The following PSMA1 variants were observed in gnomAD, a reference collection of about 807,000 sequenced individuals.
PSMA1 encodes the protein proteasome 20S subunit alpha 1.
In PSMA1, 3 loss-of-function variants were observed where a neutral mutation model predicts 38.4. The ratio of observed to expected loss-of-function variants is 0.08; its 90% confidence interval spans 0.04 to 0.20. The LOEUF is 0.20. Among genes scored for constraint, PSMA1 ranks in the 10% least tolerant of loss-of-function variants. PSMA1 has a pLI of 1.00. For missense variants in PSMA1, 227 were observed against 325.3 expected (o/e 0.70, Z 2.32); for synonymous variants, 101 against 107.1 (o/e 0.94, Z 0.35).
intron 2 of PSMA1, among the ~76,000 whole-genome samples, chr11:14,579,472 T>C (rs1852256732): frequency 6.6e-6 from 1 of 151,476 alleles, no homozygotes; most frequent in Non-Finnish European, 1.5e-5. Flanking sequence ...TTAACTTAAT[T>C]ACAGCTGCAA....
At chr11:14,574,917 G>T (rs968257274) in intron 2 of PSMA1, among the ~76,000 whole-genome samples, 1 of 152,176 alleles carries the variant, frequency 6.6e-6, no homozygotes, top group Non-Finnish European at 1.5e-5. Context: ...AAAAAATGCA[G>T]AAGTGACTTT....
chr11:14,636,673 AG>A (rs980575468), intron 1 of PSMA1, among the ~76,000 whole-genome samples: 1 of 152,230 alleles, frequency 6.6e-6, no homozygotes, highest in Admixed American at 6.5e-5. Context: ...TCTGTTCAAA[AG>A]GAAATCCATA....
chr11:14,551,144 AAT>A (rs1345479724), intron 2 of PSMA1, among the ~76,000 whole-genome samples: 1 of 152,150 alleles, frequency 6.6e-6, no homozygotes, highest in Non-Finnish European at 1.5e-5. Context: ...CAAATACTAT[AAT>A]GATGTAATTT....
chr11:14,506,128 G>A (rs1288928276), intron 9 of PSMA1, among the ~76,000 whole-genome samples: 2 of 152,148 alleles, frequency 1.3e-5, no homozygotes, highest in Admixed American at 1.3e-4. Flanking sequence ...AAAGTTATAT[G>A]TGGATTTTCA....
chr11:14,545,414 C>G (rs188746199), intron 2 of PSMA1, among the ~76,000 whole-genome samples: 1 of 152,206 alleles, frequency 6.6e-6, no homozygotes, highest in African/African-American at 2.4e-5. Context: ...AACCCATCAC[C>G]TAGGTACTAA....
At chr11:14,589,491 T>G (rs1852387463) in intron 2 of PSMA1, among the ~76,000 whole-genome samples, 1 of 151,582 alleles carries the variant, frequency 6.6e-6, no homozygotes, top group Admixed American at 6.6e-5. Context: ...GAAGGTGACT[T>G]ACTGGAAAAT....
intron 1 of PSMA1, among the ~76,000 whole-genome samples, chr11:14,619,534 C>T (rs559908152): frequency 6.6e-5 from 10 of 152,242 alleles, no homozygotes; most frequent in African/African-American, 2.4e-4. Context: ...TAGGGTGACT[C>T]AGCTTCAAAG....
chr11:14,514,134 G>C, intron 5 of PSMA1: 1 of 1,319,026 alleles, frequency 7.6e-7, no homozygotes, highest in Non-Finnish European at 9.6e-7. Context: ...GGATACAAGG[G>C]GTCTAGGATT....
At position 14,536,453 on chromosome 11, in the gene PSMA1, G is replaced by A. The variant is rs538710238; in HGVS notation, c.22-17412C>T. On this transcript the variant is annotated intron_variant, in intron 2 of 10. Coordinates refer to the PSMA1 transcript ENST00000418988. Reference sequence around the variant, plus strand: ...GAGGCAAGAGAATCGCTTGAACCCGGGAGGTGGAGGTTGCAGTGAGCAGAG... The same window carrying A: ...GAGGCAAGAGAATCGCTTGAACCCGAGAGGTGGAGGTTGCAGTGAGCAGAG... 4.8e-3 allele frequency among the ~76,000 whole-genome samples: 733 copies of A among 151,932 alleles called. 4 individuals are homozygous for A. The highest frequency in any genetic ancestry group is 8.0e-3 in the Non-Finnish European group (544 of 67,952).
intron 2 of PSMA1, among the ~76,000 whole-genome samples, chr11:14,575,595 T>A (rs563960954): frequency 6.6e-6 from 1 of 152,326 alleles, no homozygotes; most frequent in South Asian, 2.1e-4. Flanking sequence ...GAACTCATCC[T>A]TTTTTATGGC....
intron 2 of PSMA1, among the ~76,000 whole-genome samples, chr11:14,535,214 T>C (rs75531507): frequency 2.0e-5 from 3 of 151,590 alleles, no homozygotes; most frequent in Middle Eastern, 3.2e-3. Flanking sequence ...CTGGAATTAA[T>C]AGACATAATT....
chr11:14,597,649 C>T (rs554767561), intron 2 of PSMA1, among the ~76,000 whole-genome samples: 2 of 152,058 alleles, frequency 1.3e-5, no homozygotes, highest in Admixed American at 1.3e-4. Context: ...CTTTATTAGT[C>T]TTGCTAGCGG....
chr11:14,516,248 A>G (rs548156274), intron 4 of PSMA1, among the ~76,000 whole-genome samples: 37 of 151,246 alleles, frequency 2.4e-4, no homozygotes, highest in African/African-American at 8.5e-4. Context: ...TCTGTTGCCT[A>G]CGCTAGAGTA....
At chr11:14,564,733 G>A (rs1273057920) in intron 2 of PSMA1, among the ~76,000 whole-genome samples, 1 of 151,542 alleles carries the variant, frequency 6.6e-6, no homozygotes. Flanking sequence ...GTTCTTACAA[G>A]TAAGTGAATT....
chr11:14,532,276 C>A (rs987055066), intron 2 of PSMA1, among the ~76,000 whole-genome samples: 4 of 152,144 alleles, frequency 2.6e-5, no homozygotes, highest in Admixed American at 2.6e-4. Flanking sequence ...GGAAAAACAG[C>A]TTACAGCTGG....
intron 2 of PSMA1, among the ~76,000 whole-genome samples, chr11:14,601,570 G>A (rs1852580439): frequency 6.6e-6 from 1 of 152,134 alleles, no homozygotes; most frequent in African/African-American, 2.4e-5. Flanking sequence ...GTGAATGGAG[G>A]CTTAATGTAA....
Position 14,621,079 on chromosome 11 carries a change from G to A in PSMA1, c.-165-9928C>T, listed in dbSNP as rs550210285. ...AGCTGTTACATTGACCTATGTCAGAGATGAAAACTGTGAGTGTACTTTTAA... is the reference window on the plus strand; with the variant it reads ...AGCTGTTACATTGACCTATGTCAGAAATGAAAACTGTGAGTGTACTTTTAA... On this transcript the variant is annotated intron_variant, in intron 1 of 10. Transcript: ENST00000418988. Among the ~76,000 whole-genome samples, 4 of 152,268 alleles carry A rather than the reference G, an allele frequency of 2.6e-5. No individual in the cohort carries two copies. The South Asian group carries it at 6.2e-4, about 24-fold the overall frequency.
At chr11:14,524,931 T>A (rs1851570174), upstream of PSMA1, among the ~76,000 whole-genome samples, 1 of 152,094 alleles carries the variant, frequency 6.6e-6, no homozygotes, top group African/African-American at 2.4e-5. Flanking sequence ...CCTTCCCAGA[T>A]CTCGGCTTAG....
At chr11:14,595,090 C>T (rs1336500157) in intron 2 of PSMA1, among the ~76,000 whole-genome samples, 1 of 152,134 alleles carries the variant, frequency 6.6e-6, no homozygotes, top group African/African-American at 2.4e-5. Context: ...TGAACTCATC[C>T]TTTTTTATGG....
Sources: allele counts gnomAD v4.1 joint callset (sites outside exome capture counted in the v4.1 genomes callset), GRCh38; gene constraint gnomAD v4.1.1; transcripts MANE v1.5; gene names NCBI Gene and HGNC (gene_info 2026-07-23, HGNC 2026-07-21).